Variants in CAPN8 observed in about 807,000 individuals in gnomAD.
CAPN8 encodes the protein calpain-8.
A neutral mutation model predicts 80.9 loss-of-function variants in CAPN8; 87 were observed. That is an observed-to-expected ratio of 1.07 (90% CI 0.90 to 1.28). The LOEUF (loss-of-function observed/expected upper bound fraction) is 1.28, where lower values mean the gene tolerates loss of function less well. CAPN8 is among the 50% of genes most tolerant of loss of function. The pLI, the probability that CAPN8 is intolerant of heterozygous loss-of-function variation, is 0.00. For synonymous variants in CAPN8, 299 were observed against 273.8 expected, an observed-to-expected ratio of 1.09 and a Z score of -0.91; for missense variants, 757 against 702.0, an observed-to-expected ratio of 1.08 and a Z score of -0.89.
At chr1:223,644,563 T>C (rs545232347) in intron 2 of CAPN8, among the ~76,000 whole-genome samples, 1 of 152,272 alleles carries the variant, frequency 6.6e-6, no homozygotes, top group Non-Finnish European at 1.5e-5. Flanking sequence ...TACATGCTAG[T>C]GAGAAAGACA....
intron 2 of CAPN8, chr1:223,642,830 G>T (rs557695980): frequency 1.5e-5 from 7 of 456,062 alleles, no homozygotes; most frequent in Non-Finnish European, 2.6e-5. Flanking sequence ...CATCCATCTC[G>T]TTTCTGTGAT....
chr1:223,660,784 G>C (rs1658622903), intron 1 of CAPN8, among the ~76,000 whole-genome samples: 1 of 152,132 alleles, frequency 6.6e-6, no homozygotes, highest in African/African-American at 2.4e-5. Flanking sequence ...TCACATTTAG[G>C]CAGTGGACTT....
At chr1:223,653,318 TA>T (rs1352711842) in intron 2 of CAPN8, among the ~76,000 whole-genome samples, 2 of 151,852 alleles carry the variant, frequency 1.3e-5, no homozygotes, top group African/African-American at 4.8e-5. Context: ...CTATATTCAT[TA>T]AAGGAGAGAA....
chr1:223,639,968 T>C (rs1303652376), intron 2 of CAPN8, among the ~76,000 whole-genome samples: 2 of 152,180 alleles, frequency 1.3e-5, no homozygotes, highest in African/African-American at 4.8e-5. Context: ...TACATTCACA[T>C]CATTTGAAAT....
Position 223,634,726 on chromosome 1 carries a change from G to A in CAPN8, c.308-5946C>T, listed in dbSNP as rs147955716. Among the ~76,000 whole-genome samples the A allele has an allele frequency of 4.6e-4, 70 of 152,294 alleles. 1 individual carries two copies. The East Asian group carries it at 9.5e-3, about 21-fold the overall frequency. On this transcript the variant is annotated intron_variant, in intron 2 of 20. Transcript: ENST00000366872. Reference sequence around the variant, plus strand: ...AAGGGGTGAGGGAGCTCTCTAGGGCGTCTTTTATAAAGGCACTAATCCCAT... The same window carrying A: ...AAGGGGTGAGGGAGCTCTCTAGGGCATCTTTTATAAAGGCACTAATCCCAT...
At chr1:223,645,648 A>C (rs1030220839) in intron 2 of CAPN8, among the ~76,000 whole-genome samples, 1 of 152,188 alleles carries the variant, frequency 6.6e-6, no homozygotes, top group Non-Finnish European at 1.5e-5. Flanking sequence ...CTCCAGATGC[A>C]ACTGGGAAAG....
chr1:223,615,970 C>T lies in CAPN8; in HGVS notation c.1311G>A (p.Gln437=). ...AAGGACAAACCCAGCACAGCAGTAC[C>T]TGGTAGACGGCATAGCCGATGCTAA... ...GMLSIGYAVY[Q]VPKELESHTD... The change falls in exon 10 of 21, where the codon CAG becomes CAA. Residue 437 remains glutamine (Q), a splice_region_variant and synonymous_variant. Transcript: ENST00000366872. 6.4e-7 allele frequency: 1 copy of T among 1,552,232 alleles called. No individual in the cohort carries two copies. Among genetic ancestry groups the T allele is most frequent in the Non-Finnish European group, 8.7e-7 (1 of 1,147,106 alleles).
intron 1 of CAPN8, among the ~76,000 whole-genome samples, 183 bp from the exon 2 acceptor site, chr1:223,654,582 G>A (rs1658427679): frequency 1.3e-5 from 2 of 152,232 alleles, no homozygotes; most frequent in Admixed American, 6.5e-5. Flanking sequence ...CCTGGTCACA[G>A]TCACACAGCC....
intron 2 of CAPN8, among the ~76,000 whole-genome samples, chr1:223,631,539 T>C (rs1657774391): frequency 6.6e-6 from 1 of 152,150 alleles, no homozygotes; most frequent in South Asian, 2.1e-4. Context: ...GTGGATTCAC[T>C]CATCTCGGCA....
intron 19 of CAPN8, among the ~76,000 whole-genome samples, chr1:223,543,703 A>G (rs370357284): frequency 1.5e-4 from 23 of 152,304 alleles, no homozygotes; most frequent in African/African-American, 5.5e-4. Context: ...TGTTCTCAAT[A>G]TGATCCCTAT....
chr1:223,632,837 G>A (rs1056663523), intron 2 of CAPN8, among the ~76,000 whole-genome samples: 1 of 152,232 alleles, frequency 6.6e-6, no homozygotes, highest in Non-Finnish European at 1.5e-5. Flanking sequence ...TGCGCTTTAA[G>A]CAGAGGTGCA....
chr1:223,544,722 C>T lies in CAPN8; in HGVS notation c.1912+50G>A, dbSNP rs575356407. 19 of 1,545,606 alleles carry T rather than the reference C, an allele frequency of 1.2e-5. No individual in the cohort carries two copies. The African/African-American group carries it at 2.5e-4, about 20-fold the overall frequency. On this transcript the variant is annotated intron_variant, in intron 18 of 20. Transcript: ENST00000366872. Reference sequence around the variant, plus strand: ...TCATCATCATGAGAATAAATATTTACAATGTGCACACCTGGATCCCAAGAC... The same window carrying T: ...TCATCATCATGAGAATAAATATTTATAATGTGCACACCTGGATCCCAAGAC...
In CAPN8 at chr1:223,656,668, G is replaced by GTTGTT. The variant is rs1658497061; in HGVS notation, c.238-2270_238-2269insAACAA. Among the ~76,000 whole-genome samples the GTTGTT allele has an allele frequency of 1.2e-4, 11 of 94,818 alleles. 1 individual carries two copies. The highest frequency in any genetic ancestry group is 3.7e-4 in the African/African-American group (10 of 27,110). 62.2% of individuals were successfully genotyped at this position (94,818 alleles called of 152,430 possible). ...ATTTATGTACATACACACGTTTTGG[G>GTTGTT]TTTTTTTGTTTTGTTTTTTTTTTTT... On this transcript the variant is annotated intron_variant, in intron 1 of 20. Transcript: ENST00000366872.
At chr1:223,657,424 C>A (rs1658526837) in intron 1 of CAPN8, among the ~76,000 whole-genome samples, 1 of 152,058 alleles carries the variant, frequency 6.6e-6, no homozygotes, top group Non-Finnish European at 1.5e-5. Context: ...GAAAAGACAG[C>A]ACACTCAATA....
chr1:223,613,995 T>C (rs1400698568), intron 10 of CAPN8, among the ~76,000 whole-genome samples: 1 of 152,228 alleles, frequency 6.6e-6, no homozygotes, highest in African/African-American at 2.4e-5. Context: ...CAGCTATAAT[T>C]TGATGACTAA....
chr1:223,627,940 G>C, intron 4 of CAPN8, 69 bp downstream of exon 4: 1 of 1,449,660 alleles, frequency 6.9e-7, no homozygotes, highest in Non-Finnish European at 9.2e-7. Flanking sequence ...GGAGGCAGAC[G>C]TGGGAGGGAC....
chr1:223,664,692 C>T (rs139862811), intron 1 of CAPN8, among the ~76,000 whole-genome samples: 2 of 152,166 alleles, frequency 1.3e-5, no homozygotes, highest in Non-Finnish European at 1.5e-5. Context: ...AATCCTAACA[C>T]TTTGGGAGGC....
chr1:223,618,428 T>C, intron 9 of CAPN8: 1 of 1,103,204 alleles, frequency 9.1e-7, no homozygotes. Context: ...GCATGCCCTG[T>C]GTGTGGCCAT....
chr1:223,616,029 G>T lies in CAPN8; in HGVS notation c.1252C>A (p.Arg418Ser). 6.4e-7 allele frequency: 1 copy of T among 1,552,312 alleles called. No homozygotes were observed. Among genetic ancestry groups the T allele is most frequent in the Non-Finnish European group, 8.7e-7 (1 of 1,147,140 alleles). The change falls in exon 10 of 21, where the codon CGC (arginine) becomes AGC (serine). Residue 418 changes from arginine to serine, a missense_variant. Physicochemically the swap from Arg to Ser is moderately radical, Grantham distance 110. Transcript: ENST00000366872. ...TGTCCTATCCGCTTCCGCCACCTGCGATTTTTCTGCATCAGGCCCAGCAGC... is the reference window on the plus strand; with the variant it reads ...TGTCCTATCCGCTTCCGCCACCTGCTATTTTTCTGCATCAGGCCCAGCAGC... ...TVLLGLMQKN[R>S]RWRKRIGQGM...
Sources: allele counts gnomAD v4.1 joint callset (sites outside exome capture counted in the v4.1 genomes callset), GRCh38; gene constraint gnomAD v4.1.1; transcripts MANE v1.5; gene names NCBI Gene and HGNC (gene_info 2026-07-23, HGNC 2026-07-21).